The following MECOM variants were observed in gnomAD, a reference collection of about 807,000 sequenced individuals.
The protein encoded by MECOM is MDS1 and EVI1 complex locus, also known as histone-lysine N-methyltransferase MECOM.
MECOM carries 13 observed loss-of-function variants against 116.3 expected under a neutral mutation model. That is an observed-to-expected ratio of 0.11 (90% CI 0.07 to 0.18). MECOM has a LOEUF of 0.18. Among genes scored for constraint, MECOM ranks in the 10% least tolerant of loss-of-function variants. The probability of loss-of-function intolerance (pLI) is 1.00; values close to 1 mark genes in which losing one functional copy is unlikely to be tolerated. For missense variants in MECOM, 1,299 were observed against 1,509.0 expected, an observed-to-expected ratio of 0.86 and a Z score of 2.31; for synonymous variants, 528 against 535.2, an observed-to-expected ratio of 0.99 and a Z score of 0.19.
chr3:169,186,122 A>G (rs1323443998), intron 2 of MECOM, among the ~76,000 whole-genome samples: 1 of 152,100 alleles, frequency 6.6e-6, no homozygotes, highest in Non-Finnish European at 1.5e-5. Context: ...ACAGCACTGT[A>G]TCAGTTCACT....
rs529785704 is a variant in MECOM, at chr3:169,118,010, T to C, written c.1133-1271A>G. ...AGCAAATTTATTTTAAGAAATTAAA[T>C]TGAAGACAAAATGCAACAGTTATTG... On this transcript the variant is annotated intron_variant, in intron 7 of 16. Transcript: ENST00000651503. 2.6e-5 allele frequency among the ~76,000 whole-genome samples: 4 copies of C among 152,292 alleles called. No homozygotes were observed. The East Asian group carries it at 5.8e-4, about 22-fold the overall frequency.
intron 2 of MECOM, among the ~76,000 whole-genome samples, chr3:169,294,191 C>A (rs1398296193): frequency 6.6e-6 from 1 of 151,918 alleles, no homozygotes; most frequent in South Asian, 2.1e-4. Flanking sequence ...TTTAACCTTC[C>A]AGGATCTTGG....
intron 1 of MECOM, among the ~76,000 whole-genome samples, chr3:169,483,199 TTTA>T (rs1406027981): frequency 7.6e-4 from 91 of 119,072 alleles, no homozygotes; most frequent in African/African-American, 2.6e-3. Context: ...TATTTTTATT[TTTA>T]TTTTTTTTTT....
intron 1 of MECOM, among the ~76,000 whole-genome samples, chr3:169,627,837 A>G (rs1241837457): frequency 6.6e-6 from 1 of 152,238 alleles, no homozygotes; most frequent in Non-Finnish European, 1.5e-5. Context: ...ACAATTAGGA[A>G]ATCAGGAAAG....
chr3:169,625,681 T>G (rs1399803672), intron 1 of MECOM, among the ~76,000 whole-genome samples: 1 of 152,228 alleles, frequency 6.6e-6, no homozygotes, highest in Non-Finnish European at 1.5e-5. Flanking sequence ...TGCTATCAAA[T>G]GTCTTCCAAA....
intron 1 of MECOM, among the ~76,000 whole-genome samples, chr3:169,544,455 G>A (rs1003141722): frequency 7.2e-5 from 11 of 152,270 alleles, no homozygotes; most frequent in African/African-American, 2.6e-4. Flanking sequence ...TTCCACAATG[G>A]TTGAACTAAT....
At chr3:169,244,855 C>T (rs1311006475) in intron 2 of MECOM, among the ~76,000 whole-genome samples, 1 of 152,180 alleles carries the variant, frequency 6.6e-6, no homozygotes, top group Non-Finnish European at 1.5e-5. Context: ...AAGATTGCCA[C>T]ACCAAAAATT....
chr3:169,302,561 T>C (rs1716927170), intron 2 of MECOM, among the ~76,000 whole-genome samples: 1 of 152,194 alleles, frequency 6.6e-6, no homozygotes, highest in Admixed American at 6.5e-5. Context: ...TGAACAAATA[T>C]AAATTTTAAA....
At position 169,207,241 on chromosome 3, in the gene MECOM, G is replaced by A. The variant is rs1248592615; in HGVS notation, c.376-63409C>T. Among the ~76,000 whole-genome samples the A allele has an allele frequency of 2.6e-5, 4 of 152,296 alleles. No homozygotes were observed. The East Asian group carries it at 5.8e-4, about 22-fold the overall frequency. The stretch of plus-strand genomic sequence containing the variant: ...TATCTCTGAAGGATGACACAAGATG[G>A]ATAGGCGTTCCAGGTTAAGAATAGT... On this transcript the variant is annotated intron_variant, in intron 2 of 16. Transcript: ENST00000651503.
chr3:169,549,438 G>T (rs1297501115), intron 1 of MECOM, among the ~76,000 whole-genome samples: 4 of 151,444 alleles, frequency 2.6e-5, no homozygotes, highest in Non-Finnish European at 4.4e-5. Context: ...ACTTAAATCT[G>T]ATTACAACAC....
intron 1 of MECOM, among the ~76,000 whole-genome samples, chr3:169,430,277 C>T (rs1044232276): frequency 1.4e-4 from 21 of 152,088 alleles, no homozygotes; most frequent in African/African-American, 4.3e-4. Flanking sequence ...GAAGCTGCAT[C>T]CTATGTTATA....
chr3:169,474,369 C>A (rs1750020524), intron 1 of MECOM, among the ~76,000 whole-genome samples: 1 of 152,068 alleles, frequency 6.6e-6, no homozygotes, highest in Non-Finnish European at 1.5e-5. Flanking sequence ...TTCCTTTTTT[C>A]AATATACGGT....
chr3:169,201,465 C>T (rs1749143660), intron 2 of MECOM, among the ~76,000 whole-genome samples: 1 of 151,970 alleles, frequency 6.6e-6, no homozygotes, highest in Non-Finnish European at 1.5e-5. Context: ...TTAAATGGCT[C>T]CTTTACGCTA....
At chr3:169,342,129 T>C (rs1057287589) in intron 2 of MECOM, among the ~76,000 whole-genome samples, 2 of 152,164 alleles carry the variant, frequency 1.3e-5, no homozygotes, top group Admixed American at 1.3e-4. Flanking sequence ...GTTATAAGAC[T>C]ATTTAAAAAT....
chr3:169,416,578 T>C (rs1738630391), intron 1 of MECOM, among the ~76,000 whole-genome samples: 1 of 150,674 alleles, frequency 6.6e-6, no homozygotes, highest in Non-Finnish European at 1.5e-5. Context: ...AAAAAATCAA[T>C]GAATCCAGGA....
chr3:169,224,345 A>G (rs1034748882), intron 2 of MECOM, among the ~76,000 whole-genome samples: 4 of 152,158 alleles, frequency 2.6e-5, no homozygotes, highest in African/African-American at 9.7e-5. Flanking sequence ...ATTCAAAGCA[A>G]TGGCAAGAAG....
chr3:169,548,888 G>A (rs897289727), intron 1 of MECOM, among the ~76,000 whole-genome samples: 1 of 151,804 alleles, frequency 6.6e-6, no homozygotes, highest in Non-Finnish European at 1.5e-5. Context: ...TCTTACAAAT[G>A]TGGTAACTGA....
intron 2 of MECOM, among the ~76,000 whole-genome samples, chr3:169,353,099 C>T (rs972295413): frequency 6.6e-6 from 1 of 151,844 alleles, no homozygotes; most frequent in African/African-American, 2.4e-5. Flanking sequence ...TAAAACACTG[C>T]TTTTTTCCTT....
At chr3:169,509,082 C>T (rs1171367450) in intron 1 of MECOM, among the ~76,000 whole-genome samples, 1 of 152,130 alleles carries the variant, frequency 6.6e-6, no homozygotes, top group African/African-American at 2.4e-5. Flanking sequence ...CCGAAGAGAC[C>T]TGCTATTAAT....
Sources: allele counts gnomAD v4.1 joint callset (sites outside exome capture counted in the v4.1 genomes callset), GRCh38; gene constraint gnomAD v4.1.1; transcripts MANE v1.5; gene names NCBI Gene and HGNC (gene_info 2026-07-23, HGNC 2026-07-21).